The following CTNNA3 variants were observed in gnomAD, a reference collection of about 807,000 sequenced individuals.
CTNNA3 encodes the protein catenin alpha-3.
In CTNNA3, 76 loss-of-function variants were observed where a neutral mutation model predicts 95.7. The observed-to-expected ratio is 0.79, with a 90% confidence interval of 0.66 to 0.96. The LOEUF is 0.96. CTNNA3 is among the 40% of genes least tolerant of loss of function. The pLI, the probability that CTNNA3 is intolerant of heterozygous loss-of-function variation, is 0.00. For synonymous variants in CTNNA3, 431 were observed against 374.4 expected (o/e 1.15, Z -1.74); for missense variants, 1,191 against 1,089.8 (o/e 1.09, Z -1.31).
chr10:66,346,246 TAGAG>T (rs371257440), intron 12 of CTNNA3, among the ~76,000 whole-genome samples: 10 of 27,782 alleles, frequency 3.6e-4, no homozygotes, highest in South Asian at 1.4e-3. Flanking sequence ...TATATATATA[TAGAG>T]AGAGAGAGAG....
chr10:67,209,916 C>T (rs1397902166), intron 6 of CTNNA3, among the ~76,000 whole-genome samples: 1 of 151,544 alleles, frequency 6.6e-6, no homozygotes, highest in East Asian at 1.9e-4. Flanking sequence ...GTAAGAAAAA[C>T]AGAAAAAGAG....
intron 7 of CTNNA3, among the ~76,000 whole-genome samples, chr10:66,978,775 AAGT>A (rs35327751): frequency 0.22 from 33,257 of 150,048 alleles, 4,135 homozygotes; most frequent in South Asian, 0.29. Context: ...ATTAAATAAA[AAGT>A]AGCATGAAAG....
chr10:67,084,747 A>T (rs1334358617), intron 7 of CTNNA3, among the ~76,000 whole-genome samples: 1 of 151,992 alleles, frequency 6.6e-6, no homozygotes, highest in African/African-American at 2.4e-5. Context: ...CATAAGATTA[A>T]GCTTTTTCAT....
At chr10:66,453,804 G>A (rs1318572211) in intron 11 of CTNNA3, among the ~76,000 whole-genome samples, 1 of 152,162 alleles carries the variant, frequency 6.6e-6, no homozygotes, top group African/African-American at 2.4e-5. Context: ...ATTCTCCATA[G>A]AAGGTAAACA....
chr10:67,562,518 C>T (rs1351142976), intron 3 of CTNNA3, among the ~76,000 whole-genome samples: 2 of 152,094 alleles, frequency 1.3e-5, no homozygotes, highest in African/African-American at 4.8e-5. Flanking sequence ...TATGACAAAC[C>T]CACAGCCAAT....
chr10:66,595,159 C>T (rs945811697), intron 10 of CTNNA3, among the ~76,000 whole-genome samples: 8 of 151,790 alleles, frequency 5.3e-5, no homozygotes, highest in South Asian at 2.1e-4. Context: ...CACAGTGGAA[C>T]GACAACAACA....
intron 5 of CTNNA3, among the ~76,000 whole-genome samples, chr10:67,486,312 T>C (rs1377990580): frequency 6.6e-6 from 1 of 152,188 alleles, no homozygotes; most frequent in Non-Finnish European, 1.5e-5. Flanking sequence ...TGGATTCTGA[T>C]CTTCACCATC....
At chr10:66,202,562 C>T (rs2087497178) in intron 13 of CTNNA3, among the ~76,000 whole-genome samples, 1 of 152,170 alleles carries the variant, frequency 6.6e-6, no homozygotes, top group Non-Finnish European at 1.5e-5. Flanking sequence ...CAATTAAACG[C>T]TTCTGAATGT....
At chr10:66,451,592 G>T (rs941544622) in intron 11 of CTNNA3, among the ~76,000 whole-genome samples, 3 of 151,952 alleles carry the variant, frequency 2.0e-5, no homozygotes, top group Non-Finnish European at 4.4e-5. Flanking sequence ...AGTTTTTAAA[G>T]GTTTTTAAGT....
intron 7 of CTNNA3, among the ~76,000 whole-genome samples, chr10:66,919,991 G>A (rs1240673060): frequency 6.6e-6 from 1 of 152,154 alleles, no homozygotes; most frequent in African/African-American, 2.4e-5. Flanking sequence ...GGTGTATTCT[G>A]TATAATAAAT....
chr10:67,123,514 T>A (rs1589764537), intron 7 of CTNNA3, among the ~76,000 whole-genome samples: 1 of 152,186 alleles, frequency 6.6e-6, no homozygotes, highest in South Asian at 2.1e-4. Flanking sequence ...CTTTTTACTT[T>A]AAATCATTAA....
chr10:67,707,160 T>C (rs981007743), intron 1 of CTNNA3, among the ~76,000 whole-genome samples: 3 of 152,196 alleles, frequency 2.0e-5, no homozygotes, highest in Admixed American at 6.5e-5. Context: ...ATTCTCTACA[T>C]AGCTTCTAAG....
intron 7 of CTNNA3, among the ~76,000 whole-genome samples, chr10:66,799,538 G>T (rs548466895): frequency 7.9e-5 from 12 of 151,616 alleles, no homozygotes; most frequent in African/African-American, 2.9e-4. Context: ...CTGAAGAAAA[G>T]TCAATGAAAA....
chr10:66,872,077 C>T (rs1844431376), intron 7 of CTNNA3, among the ~76,000 whole-genome samples: 1 of 152,212 alleles, frequency 6.6e-6, no homozygotes, highest in African/African-American at 2.4e-5. Flanking sequence ...TAACAAAACC[C>T]TCCGTAACAT....
chr10:66,597,400 T>C (rs1318930919), intron 10 of CTNNA3, among the ~76,000 whole-genome samples: 2 of 150,374 alleles, frequency 1.3e-5, no homozygotes, highest in Non-Finnish European at 3.0e-5. Flanking sequence ...ATTATTAAAA[T>C]TGAATGACAC....
At chr10:66,080,712 G>A (rs2080724503) in intron 14 of CTNNA3, among the ~76,000 whole-genome samples, 1 of 152,080 alleles carries the variant, frequency 6.6e-6, no homozygotes, top group Admixed American at 6.6e-5. Flanking sequence ...ACTCAACTCT[G>A]CTGAAGCGAA....
chr10:66,487,402 C>A (rs1424267865), intron 11 of CTNNA3, among the ~76,000 whole-genome samples: 2 of 151,372 alleles, frequency 1.3e-5, no homozygotes, highest in Non-Finnish European at 2.9e-5. Context: ...GGGGTTTCAC[C>A]GTATTAGCCA....
chr10:67,575,275 GTCT>G (rs10617197), intron 3 of CTNNA3, among the ~76,000 whole-genome samples: 19,786 of 151,932 alleles, frequency 0.13, 1,579 homozygotes, highest in East Asian at 0.3. Flanking sequence ...ATTTTGTGAA[GTCT>G]TCTTCTTTTT....
chr10:66,432,166 A>G (rs752648374), intron 11 of CTNNA3, among the ~76,000 whole-genome samples: 1 of 152,122 alleles, frequency 6.6e-6, no homozygotes, highest in Non-Finnish European at 1.5e-5. Context: ...AAGGTTAAGA[A>G]AAATATAATT....
Sources: gnomAD v4.1 joint callset for allele counts (sites outside exome capture counted in the v4.1 genomes callset) on GRCh38, gnomAD v4.1.1 for gene constraint, MANE v1.5 for transcripts, NCBI Gene and HGNC (gene_info 2026-07-23, HGNC 2026-07-21) for gene names.